Variants in UHRF2 observed in about 807,000 individuals in gnomAD.
UHRF2 encodes ubiquitin like with PHD and ring finger domains 2.
In UHRF2, 23 loss-of-function variants were observed where a neutral mutation model predicts 96.8. The observed-to-expected ratio is 0.24, with a 90% CI of 0.17 to 0.34. UHRF2 has a LOEUF of 0.34. Among genes scored for constraint, UHRF2 ranks in the 10% least tolerant of loss-of-function variants. The pLI, the probability that UHRF2 is intolerant of heterozygous loss-of-function variation, is 1.00. For synonymous variants in UHRF2, 385 were observed against 332.6 expected, an observed-to-expected ratio of 1.16 and a Z score of -1.72; for missense variants, 685 against 981.5, an observed-to-expected ratio of 0.70 and a Z score of 4.04.
intron 3 of UHRF2, among the ~76,000 whole-genome samples, chr9:6,455,635 A>G (rs1024536298): frequency 5.9e-5 from 9 of 152,190 alleles, no homozygotes; most frequent in Admixed American, 4.6e-4. Context: ...TATAGAAGCC[A>G]GTGTGGACTG....
intron 2 of UHRF2, among the ~76,000 whole-genome samples, chr9:6,424,724 CTG>C (rs1226189070): frequency 1.3e-5 from 2 of 149,972 alleles, no homozygotes; most frequent in Non-Finnish European, 3.0e-5. Context: ...GGATACTATA[CTG>C]TGTGTAGTTT....
chr9:6,450,192 G>T (rs1023726840), intron 3 of UHRF2, among the ~76,000 whole-genome samples: 2 of 151,880 alleles, frequency 1.3e-5, no homozygotes, highest in Non-Finnish European at 2.9e-5. Flanking sequence ...AATGTTCATA[G>T]TTCCTTAATT....
intron 2 of UHRF2, among the ~76,000 whole-genome samples, 165 bp downstream of exon 2, chr9:6,421,307 G>T (rs541750053): frequency 6.6e-6 from 1 of 152,134 alleles, no homozygotes; most frequent in African/African-American, 2.4e-5. Flanking sequence ...TATGAAATAC[G>T]TAGACAAATG....
At chr9:6,504,374 A>G in intron 14 of UHRF2, 1 of 347,698 alleles carries the variant, frequency 2.9e-6, no homozygotes, top group Non-Finnish European at 5.3e-6. Context: ...TTGCTAAATA[A>G]TAGATGGATA....
At chr9:6,461,997 T>A (rs531313296) in intron 4 of UHRF2, among the ~76,000 whole-genome samples, 74 of 146,030 alleles carry the variant, frequency 5.1e-4, no homozygotes, top group Admixed American at 1.2e-3. Flanking sequence ...TTTTTGTTTT[T>A]AAAAAAAAAA....
chr9:6,464,446 A>G (rs1822745542), intron 4 of UHRF2, among the ~76,000 whole-genome samples: 1 of 152,164 alleles, frequency 6.6e-6, no homozygotes, highest in African/African-American at 2.4e-5. Flanking sequence ...TGAGGTTATC[A>G]AAGTTCAAGA....
At chr9:6,484,439 C>G (rs1264558206) in intron 8 of UHRF2, among the ~76,000 whole-genome samples, 1 of 142,892 alleles carries the variant, frequency 7.0e-6, no homozygotes, top group Non-Finnish European at 1.5e-5. Flanking sequence ...CTGTCTCTTC[C>G]CTCCTCCCTC....
chr9:6,498,259 G>A (rs1478288603), intron 12 of UHRF2, 101 bp downstream of exon 12: 2 of 1,291,338 alleles, frequency 1.5e-6, no homozygotes, highest in African/African-American at 1.5e-5. Flanking sequence ...CAATTGACTG[G>A]TGGACTATAA....
At chr9:6,502,107 G>GA (rs1163305437) in intron 14 of UHRF2, among the ~76,000 whole-genome samples, 3 of 152,080 alleles carry the variant, frequency 2.0e-5, no homozygotes, top group Non-Finnish European at 4.4e-5. Context: ...TATTAAGCCA[G>GA]AAAAAAACAG....
At chr9:6,448,723 A>T (rs967787300) in intron 3 of UHRF2, among the ~76,000 whole-genome samples, 2 of 152,206 alleles carry the variant, frequency 1.3e-5, no homozygotes, top group Admixed American at 6.6e-5. Context: ...GGTAAATAAG[A>T]TAAGAATGGA....
intron 3 of UHRF2, among the ~76,000 whole-genome samples, chr9:6,455,407 C>T (rs151137834): frequency 2.0e-5 from 3 of 152,046 alleles, no homozygotes; most frequent in East Asian, 3.9e-4. Context: ...TTTGTACTTG[C>T]GATAGTTTGC....
At position 6,477,859 on chromosome 9, in the gene UHRF2, A is replaced by G. The variant is rs530668277; in HGVS notation, c.1160+51A>G. ...GTTGTTCTTGCTGTGTAAACATGAA[A>G]TATGTATTTGAACCACCAAAAGTAG... On this transcript the variant is annotated intron_variant, in intron 6 of 15. Coordinates refer to ENST00000276893, the MANE Select transcript of UHRF2 (RefSeq NM_152896.3). 37 of 1,468,874 alleles carry G rather than the reference A, an allele frequency of 2.5e-5. 1 individual carries two copies. In the Admixed American group the frequency reaches 7.3e-4, roughly 29 times the overall value. 91.0% of individuals were successfully genotyped at this position (1,468,874 alleles called of 1,614,324 possible). A position where few individuals can be genotyped will look rare whatever the true frequency, so the allele number is the denominator to read the frequency against.
intron 1 of UHRF2, 142 bp downstream of exon 1, chr9:6,413,785 G>A: frequency 1.8e-6 from 2 of 1,084,904 alleles, no homozygotes; most frequent in African/African-American, 1.7e-5. Context: ...CCCGCGAGGC[G>A]CGGGGTGCGG....
At chr9:6,429,879 A>G (rs1016907162) in intron 2 of UHRF2, among the ~76,000 whole-genome samples, 1 of 152,218 alleles carries the variant, frequency 6.6e-6, no homozygotes, top group Non-Finnish European at 1.5e-5. Context: ...TGCAAAACAA[A>G]TGGTACCTAG....
chr9:6,436,521 A>G (rs1473046785), intron 3 of UHRF2, among the ~76,000 whole-genome samples: 1 of 152,216 alleles, frequency 6.6e-6, no homozygotes, highest in African/African-American at 2.4e-5. Flanking sequence ...ACAATTAGGA[A>G]AACTACTACC....
chr9:6,459,369 GTTAAAAC>G (rs1822382603), intron 3 of UHRF2, among the ~76,000 whole-genome samples: 1 of 152,130 alleles, frequency 6.6e-6, no homozygotes, highest in African/African-American at 2.4e-5. Flanking sequence ...ATCTAGTCCT[GTTAAAAC>G]TTAAACTTGG....
intron 9 of UHRF2, among the ~76,000 whole-genome samples, chr9:6,491,619 C>T (rs1283544240): frequency 2.6e-5 from 4 of 152,194 alleles, no homozygotes; most frequent in African/African-American, 7.2e-5. Flanking sequence ...TAAAGGTCTT[C>T]CACCTGATCT....
chr9:6,499,126 T>A (rs1825127834), intron 12 of UHRF2: 1 of 152,228 alleles, frequency 6.6e-6, no homozygotes, highest in Non-Finnish European at 1.5e-5. Context: ...CTAGATAGGT[T>A]ATATTTGAAA....
At position 6,477,693 on chromosome 9, in the gene UHRF2, G is replaced by T. The variant is rs1260656726; in HGVS notation, c.1045G>T (p.Val349Leu). 6.2e-7 allele frequency: 1 copy of T among 1,614,170 alleles called. No homozygotes were observed. Among genetic ancestry groups the T allele is most frequent in the South Asian group, 1.1e-5 (1 of 91,084 alleles). The change falls in exon 6 of 16, where the codon GTA (valine) becomes TTA (leucine). Residue 349 changes from valine (V) to leucine (L), a missense_variant. Around this residue, in one of 6 missense-constraint regions of UHRF2, gnomAD observed 391 missense variants for 437.0 expected, o/e 0.89. Coordinates refer to ENST00000276893, the MANE Select transcript of UHRF2 (RefSeq NM_152896.3). ...GAAATGTCATTCTTGCTCCTGTCGTGTATGTGGTGGGAAACATGAACCCAA... is the reference window on the plus strand; with the variant it reads ...GAAATGTCATTCTTGCTCCTGTCGTTTATGTGGTGGGAAACATGAACCCAA... ...EKKCHSCSCR[V>L]CGGKHEPNMQ...
Sources: gnomAD v4.1 joint callset for allele counts (sites outside exome capture counted in the v4.1 genomes callset) on GRCh38, gnomAD v4.1.1 for gene constraint, gnomAD v4.1.1 regional missense constraint, MANE v1.5 for transcripts, NCBI Gene and HGNC (gene_info 2026-07-23, HGNC 2026-07-21) for gene names.